The following COXFA4L2 variants were observed in gnomAD, a reference collection of about 807,000 sequenced individuals.
COXFA4L2 encodes NADH dehydrogenase (ubiquinone) 1 alpha subcomplex, 4-like 2.
At chr12:57,236,410 G>A in the COXFA4L2 span, 4 of 539,026 alleles carry the variant, frequency 7.4e-6, no homozygotes, top group Admixed American at 3.7e-5. Flanking sequence ...AGGAGTGAGC[G>A]GCCAGGTGGG....
At chr12:57,235,065 T>A in the COXFA4L2 span, 1 of 158,228 alleles carries the variant, frequency 6.3e-6, no homozygotes, top group African/African-American at 2.5e-5. Flanking sequence ...AGGGGAGGAG[T>A]GCGCTGCGCC....
chr12:57,237,064 C>T, the COXFA4L2 span: 1 of 1,614,168 alleles, frequency 6.2e-7, no homozygotes, highest in Non-Finnish European at 8.5e-7. Flanking sequence ...TAGAAGCGGG[C>T]CCCAAGACTG....
chr12:57,240,589 G>T, the COXFA4L2 span: 1 of 855,398 alleles, frequency 1.2e-6, no homozygotes, highest in Non-Finnish European at 1.4e-6. Context: ...ACTCGCGCGC[G>T]CACGTGCGTC....
the COXFA4L2 span, chr12:57,240,568 C>T: frequency 3.3e-6 from 2 of 607,538 alleles, no homozygotes; most frequent in Non-Finnish European, 2.1e-6. Context: ...CCCCGGCGCG[C>T]GCACACACAC....
the COXFA4L2 span, chr12:57,235,539 A>G: frequency 6.2e-7 from 1 of 1,611,362 alleles, no homozygotes; most frequent in Non-Finnish European, 8.5e-7. Context: ...TGTGGCTTGC[A>G]TGGCACTGGC....
At chr12:57,235,577 G>C in the COXFA4L2 span, 9 of 1,613,934 alleles carry the variant, frequency 5.6e-6, no homozygotes, top group South Asian at 3.3e-5. Flanking sequence ...AAGTCTGGCC[G>C]GTCCTTCTTC....
At chr12:57,235,752 G>A in the COXFA4L2 span, 3 of 1,597,000 alleles carry the variant, frequency 1.9e-6, no homozygotes, top group Non-Finnish European at 2.6e-6. Context: ...GAGGTACCTT[G>A]TATTGGTCAT....
the COXFA4L2 span, chr12:57,235,642 T>A: frequency 6.2e-7 from 1 of 1,613,828 alleles, no homozygotes; most frequent in Non-Finnish European, 8.5e-7. Flanking sequence ...GGAAAGGGGG[T>A]TGCGCTGAGT....
At chr12:57,239,651 CTG>C in the COXFA4L2 span, 1 of 153,516 alleles carries the variant, frequency 6.5e-6, no homozygotes, top group East Asian at 1.9e-4. The surrounding 1 kb of genome is among the most constrained non-coding windows in gnomAD (Gnocchi z 5.5). Context: ...CTTGTTCTTT[CTG>C]CCTTCTGTCT....
chr12:57,235,584 C>CTG, the COXFA4L2 span: 1 of 1,613,974 alleles, frequency 6.2e-7, no homozygotes, highest in African/African-American at 1.3e-5. Flanking sequence ...GCCGGTCCTT[C>CTG]TTCAGCTTCT....
At chr12:57,235,730 T>A in the COXFA4L2 span, 12 of 1,607,158 alleles carry the variant, frequency 7.5e-6, no homozygotes, top group Non-Finnish European at 1.7e-6. Context: ...GGGGCAACCC[T>A]AGAGCCATCG....
the COXFA4L2 span, chr12:57,237,768 G>A: frequency 6.5e-6 from 1 of 154,464 alleles, no homozygotes; most frequent in Non-Finnish European, 1.5e-5. Context: ...CCACAGTCAT[G>A]GCAGTGAGGC....
the COXFA4L2 span, chr12:57,235,872 A>AGCTCTGTAACCCTAAGAGCAGAGTCG: frequency 7.0e-7 from 1 of 1,427,848 alleles, no homozygotes; most frequent in Non-Finnish European, 9.3e-7. Flanking sequence ...CTGTAACCCA[A>AGCTCTGTAACCCTAAGAGCAGAGTCG]TTTGACCCCC....
At chr12:57,236,119 G>A in the COXFA4L2 span, 39 of 362,902 alleles carry the variant, frequency 1.1e-4, no homozygotes, top group Non-Finnish European at 1.6e-4. Flanking sequence ...GTGGGAATCA[G>A]ACACAGATCC....
the COXFA4L2 span, among the ~76,000 whole-genome samples, chr12:57,239,022 A>G: frequency 6.6e-6 from 1 of 152,090 alleles, no homozygotes; most frequent in Non-Finnish European, 1.5e-5. This position sits in a 1 kb window ranked among gnomAD's most constrained non-coding sequence, Gnocchi z 5.5. Flanking sequence ...CACCACGAGG[A>G]CTCAGGCCAC....
At chr12:57,237,446 T>G in the COXFA4L2 span, 1 of 857,874 alleles carries the variant, frequency 1.2e-6, no homozygotes, top group African/African-American at 1.7e-5. Context: ...GGACAGGCAC[T>G]TAGCAAAATG....
At chr12:57,236,482 G>A in the COXFA4L2 span, 1 of 904,228 alleles carries the variant, frequency 1.1e-6, no homozygotes, top group East Asian at 2.8e-5. Flanking sequence ...ATGCCGGTCG[G>A]TACAGTCGAA....
At chr12:57,236,956 G>A in the COXFA4L2 span, 8 of 1,589,000 alleles carry the variant, frequency 5.0e-6, no homozygotes, top group East Asian at 4.5e-5. Flanking sequence ...CACAAGGCAA[G>A]GCATTGGGGG....
chr12:57,237,212 T>C, the COXFA4L2 span: 1 of 1,562,726 alleles, frequency 6.4e-7, no homozygotes, highest in East Asian at 2.3e-5. Context: ...CCCGTGCTTC[T>C]TTGGACTCAC....
Sources: allele counts gnomAD v4.1 joint callset (sites outside exome capture counted in the v4.1 genomes callset), GRCh38; gene constraint gnomAD v4.1.1; non-coding constraint Gnocchi (gnomAD v3.1); transcripts MANE v1.5; gene names NCBI Gene and HGNC (gene_info 2026-07-23, HGNC 2026-07-21).